The following SLC35F4 variants were observed in gnomAD, a reference collection of about 807,000 sequenced individuals.
The protein encoded by SLC35F4 is chromosome 14 open reading frame 36.
In SLC35F4, 24 loss-of-function variants were observed where a neutral mutation model predicts 44.2. The ratio of observed to expected loss-of-function variants is 0.54; its 90% CI spans 0.39 to 0.76. The LOEUF (loss-of-function observed/expected upper bound fraction) is 0.76, where lower values mean the gene tolerates loss of function less well. SLC35F4 is among the 30% of genes least tolerant of loss of function. The pLI, the probability that SLC35F4 is intolerant of heterozygous loss-of-function variation, is 0.00. For missense variants in SLC35F4, 562 were observed against 586.1 expected, an observed-to-expected ratio of 0.96 and a Z score of 0.42; for synonymous variants, 238 against 223.6, an observed-to-expected ratio of 1.06 and a Z score of -0.57.
At chr14:57,856,814 T>C (rs1439440994) in intron 1 of SLC35F4, among the ~76,000 whole-genome samples, 1 of 152,074 alleles carries the variant, frequency 6.6e-6, no homozygotes, top group East Asian at 1.9e-4. Context: ...ATTTCACTAG[T>C]AATAGAGAAT....
intron 1 of SLC35F4, among the ~76,000 whole-genome samples, chr14:57,627,330 A>G (rs1263489845): frequency 6.6e-6 from 1 of 152,152 alleles, no homozygotes; most frequent in Non-Finnish European, 1.5e-5. Context: ...GAGTAGAGAA[A>G]CAAGATTGAG....
chr14:57,731,720 G>A (rs1398567848), intron 1 of SLC35F4, among the ~76,000 whole-genome samples: 1 of 152,140 alleles, frequency 6.6e-6, no homozygotes, highest in East Asian at 1.9e-4. Context: ...GTTGATTTCT[G>A]TTCCTTACAA....
chr14:57,950,675 C>T (rs10148568), intron 1 of SLC35F4, among the ~76,000 whole-genome samples: 41 of 127,154 alleles, frequency 3.2e-4, no homozygotes, highest in South Asian at 1.0e-3. Flanking sequence ...TTCTTTCTTT[C>T]TTTTTTTTTT....
intron 1 of SLC35F4, among the ~76,000 whole-genome samples, chr14:57,928,968 A>G (rs1296885204): frequency 6.6e-6 from 1 of 152,242 alleles, no homozygotes; most frequent in East Asian, 1.9e-4. Flanking sequence ...AGTGAACTGG[A>G]AGATAGAACA....
downstream of SLC35F4, chr14:57,976,625 T>A (rs1881226673): frequency 6.6e-6 from 1 of 152,148 alleles, no homozygotes; most frequent in Non-Finnish European, 1.5e-5. Context: ...ACCAGATAGA[T>A]CATGGCAGAG....
At chr14:57,638,170 C>A (rs952544680) in intron 1 of SLC35F4, among the ~76,000 whole-genome samples, 1 of 152,084 alleles carries the variant, frequency 6.6e-6, no homozygotes, top group African/African-American at 2.4e-5. Flanking sequence ...CTAGCAGACT[C>A]TGAGTAACTG....
At chr14:57,639,098 A>G (rs1189911795) in intron 1 of SLC35F4, among the ~76,000 whole-genome samples, 2 of 152,102 alleles carry the variant, frequency 1.3e-5, no homozygotes, top group Admixed American at 6.6e-5. Flanking sequence ...GGCCCTAAGC[A>G]AAAGAGGCTG....
At chr14:57,958,511 G>A (rs977015347) in intron 1 of SLC35F4, among the ~76,000 whole-genome samples, 5 of 149,602 alleles carry the variant, frequency 3.3e-5, no homozygotes, top group African/African-American at 1.0e-4. Context: ...AGGGGAATGG[G>A]GGTGTGGCTG....
rs141381590 is a variant in SLC35F4, at chr14:57,655,411, T to G, written c.104-61287A>C. Among the ~76,000 whole-genome samples, 171 of 152,122 alleles carry G rather than the reference T, an allele frequency of 1.1e-3. 2 individuals are homozygous for G. The highest frequency in any genetic ancestry group is 2.9e-3 in the South Asian group (14 of 4,808). On this transcript the variant is annotated intron_variant, in intron 1 of 7. Coordinates refer to ENST00000556826, the MANE Select transcript of SLC35F4 (RefSeq NM_001306087.2). Reference sequence around the variant, plus strand: ...CAGAGCAACAAGACATCAGGATGTTTATACCCACGTTGTCTAGGGTACCTA... The same window carrying G: ...CAGAGCAACAAGACATCAGGATGTTGATACCCACGTTGTCTAGGGTACCTA...
chr14:57,615,964 T>C (rs192040442), intron 1 of SLC35F4, among the ~76,000 whole-genome samples: 13 of 152,342 alleles, frequency 8.5e-5, no homozygotes, highest in Admixed American at 8.5e-4. Flanking sequence ...TCTTTTGTCA[T>C]GTGTCTCTTG....
chr14:57,977,370 T>TGTATCGAG (rs1195099362), intron 1 of SLC35F4, among the ~76,000 whole-genome samples: 4 of 152,174 alleles, frequency 2.6e-5, no homozygotes, highest in African/African-American at 9.7e-5. Context: ...CTAAGGATGG[T>TGTATCGAG]GTATCGAGTC....
chr14:57,791,666 T>C (rs1227526954), intron 1 of SLC35F4, among the ~76,000 whole-genome samples: 1 of 151,828 alleles, frequency 6.6e-6, no homozygotes, highest in African/African-American at 2.4e-5. Flanking sequence ...CATGCACATG[T>C]ATATTTACTA....
intron 1 of SLC35F4, among the ~76,000 whole-genome samples, chr14:57,632,438 G>A (rs968261700): frequency 2.0e-5 from 3 of 152,148 alleles, no homozygotes; most frequent in African/African-American, 4.8e-5. Context: ...AGAAAGACAG[G>A]CCTTCAAGGA....
chr14:57,776,241 G>C (rs1033526770), intron 1 of SLC35F4, among the ~76,000 whole-genome samples: 1 of 152,144 alleles, frequency 6.6e-6, no homozygotes. Flanking sequence ...TATCATCCAT[G>C]AAAACTTCTC....
chr14:57,581,463 G>C, intron 3 of SLC35F4, 30 bp from the exon 4 acceptor site: 1 of 1,563,590 alleles, frequency 6.4e-7, no homozygotes, highest in East Asian at 2.3e-5. Context: ...TTAATATCCA[G>C]GTACTGATGG....
At chr14:57,758,858 A>G (rs62003423) in intron 1 of SLC35F4, among the ~76,000 whole-genome samples, 5,204 of 152,236 alleles carry the variant, frequency 0.034, 129 homozygotes, top group South Asian at 0.059. Flanking sequence ...TGCATAACTG[A>G]CAGTTTATAA....
In SLC35F4 at chr14:57,571,945, G is replaced by C. The variant is rs775397109; in HGVS notation, c.882C>G (p.Ile294Met). 6.2e-6 allele frequency: 10 copies of C among 1,612,496 alleles called. No individual in the cohort carries two copies. In the African/African-American group the frequency reaches 1.2e-4, roughly 19 times the overall value. Residue 294 changes from isoleucine to methionine, a missense_variant, in exon 5 of 8, where the codon ATC becomes ATG. Coordinates refer to ENST00000556826, the MANE Select transcript of SLC35F4 (RefSeq NM_001306087.2). ...AYADNFHADS[I>M]IGVAFAVGSA... Reference sequence around the variant, plus strand: ...AGCCCACCGCAAATGCCACTCCTATGATGGAATCAGCGTGGAAATTATCTG... The same window carrying C: ...AGCCCACCGCAAATGCCACTCCTATCATGGAATCAGCGTGGAAATTATCTG...
Position 57,831,367 on chromosome 14 carries a change from A to G in SLC35F4, c.103+34356T>C, listed in dbSNP as rs142421713. 3.6e-3 allele frequency among the ~76,000 whole-genome samples: 546 copies of G among 151,746 alleles called. 3 individuals carry two copies. The highest frequency in any genetic ancestry group is 0.012 in the African/African-American group (496 of 41,054). On this transcript the variant is annotated intron_variant, in intron 1 of 7. Transcript: ENST00000556826. ...CCAGAACTGTGAGAAATAAATGTCA[A>G]TGTTTAAGCCACAGAATCTTTGGTA... is the stretch of plus-strand genomic sequence containing the variant.
intron 1 of SLC35F4, among the ~76,000 whole-genome samples, chr14:57,601,449 T>G (rs192037855): frequency 6.6e-6 from 1 of 152,268 alleles, no homozygotes; most frequent in African/African-American, 2.4e-5. Flanking sequence ...ACATTAAGTT[T>G]TTCAACCCTT....
Sources: gnomAD v4.1 joint callset for allele counts (sites outside exome capture counted in the v4.1 genomes callset) on GRCh38, gnomAD v4.1.1 for gene constraint, MANE v1.5 for transcripts, NCBI Gene and HGNC (gene_info 2026-07-23, HGNC 2026-07-21) for gene names.